TSC1: variants seen among roughly 807,000 people sequenced by gnomAD.
TSC1 encodes the protein hamartin.
In TSC1, 20 loss-of-function variants were observed where a neutral mutation model predicts 124.3. The ratio of observed to expected loss-of-function variants is 0.16; its 90% CI spans 0.11 to 0.23. The LOEUF is 0.23. Ranked by LOEUF, TSC1 falls within the 10% of genes least tolerant of loss-of-function variation. The probability of loss-of-function intolerance (pLI) is 1.00; values close to 1 mark genes in which losing one functional copy is unlikely to be tolerated. For synonymous variants in TSC1, 493 were observed against 539.1 expected (o/e 0.91, Z 1.19); for missense variants, 1,124 against 1,448.5 (o/e 0.78, Z 3.64).
rs764271835 is a variant in TSC1, at chr9:132,921,343, T to G, written c.737+20A>C. The G allele has an allele frequency of 6.2e-7, 1 of 1,613,454 alleles. No homozygotes were observed. The highest frequency in any genetic ancestry group is 2.2e-5 in the East Asian group (1 of 44,880). ...AATCTCTCGAAAGATTCTTTAAAATTTTGACACTAGTTTCTATACCTTCGA... is the reference window on the plus strand; with the variant it reads ...AATCTCTCGAAAGATTCTTTAAAATGTTGACACTAGTTTCTATACCTTCGA... On this transcript the variant is annotated intron_variant, in intron 8 of 22. Coordinates refer to ENST00000298552, the MANE Select transcript of TSC1 (RefSeq NM_000368.5). This position sits in a 1 kb window ranked among gnomAD's most constrained non-coding sequence, Gnocchi z 4.3.
chr9:132,920,548 G>A (rs1846490976), intron 8 of TSC1, among the ~76,000 whole-genome samples: 1 of 152,076 alleles, frequency 6.6e-6, no homozygotes, highest in Admixed American at 6.5e-5. Context: ...ACTGCTTTAA[G>A]CTGGCTGAGG....
rs1289954163 is a variant in TSC1 at position 132,896,610 on chromosome 9, G to A, written c.3120C>T (p.Ser1040=). 1.9e-6 allele frequency: 3 copies of A among 1,613,582 alleles called. No homozygotes were observed. The African/African-American group carries it at 4.0e-5, about 22-fold the overall frequency. Residue 1040 remains serine (S), a synonymous_variant, in exon 23 of 23, where the codon AGC becomes AGT. Transcript: ENST00000298552. The surrounding 1 kb of genome is among the most constrained non-coding windows in gnomAD (Gnocchi z 4.5). ...CTGGGGTAGAAAGCTCGCTGCTGCT[G>A]CTGCTGCTGCCTCCACCACCTCTGC... ...SGSRGGGGSS[S]SSSELSTPEK...
Position 132,894,264 on chromosome 9 carries a change from T to G in TSC1, c.*1971A>C, listed in dbSNP as rs1184111382. 2 of 231,674 alleles carry G rather than the reference T, an allele frequency of 8.6e-6. No homozygotes were observed. The highest frequency in any genetic ancestry group is 2.2e-5 in the African/African-American group (1 of 45,228). The allele number at this position is 231,674 out of a possible 1,614,324, so 14.4% of individuals were successfully genotyped here. ...ACTTGGGCCTCTTTTCCTTTCCAATTCAGGAAAAGGCTTTAAGTGCCTGGT... is the reference window on the plus strand; with the variant it reads ...ACTTGGGCCTCTTTTCCTTTCCAATGCAGGAAAAGGCTTTAAGTGCCTGGT... On this transcript the variant is annotated 3_prime_UTR_variant, in exon 23 of 23. Transcript: ENST00000298552.
intron 8 of TSC1, among the ~76,000 whole-genome samples, chr9:132,920,979 T>C (rs1004878005): frequency 6.6e-6 from 1 of 151,646 alleles, no homozygotes; most frequent in South Asian, 2.1e-4. Flanking sequence ...ATACTTAATA[T>C]AGGACTCCCT....
At chr9:132,933,128 C>T (rs1381018987) in intron 2 of TSC1, among the ~76,000 whole-genome samples, 1 of 152,182 alleles carries the variant, frequency 6.6e-6, no homozygotes, top group Non-Finnish European at 1.5e-5. Context: ...TGCAATGGCA[C>T]AATCTTGGCC....
chr9:132,903,465 G>A lies in TSC1; in HGVS notation c.2208+186C>T, dbSNP rs1341874456. ...CACACACAAAATCACTTGTCCCCAC[G>A]GTTTCTGAGAATTATGAGGGAATTC... On this transcript the variant is annotated intron_variant, in intron 17 of 22. Coordinates refer to ENST00000298552, the MANE Select transcript of TSC1 (RefSeq NM_000368.5). The surrounding 1 kb of genome is among the most constrained non-coding windows in gnomAD (Gnocchi z 5.9). Among the ~76,000 whole-genome samples, 2 of 152,092 alleles carry A rather than the reference G, an allele frequency of 1.3e-5. No individual in the cohort carries two copies. The highest frequency in any genetic ancestry group is 2.4e-5 in the African/African-American group (1 of 41,418).
chr9:132,937,861 C>T (rs1468034508), intron 1 of TSC1, among the ~76,000 whole-genome samples: 6 of 152,204 alleles, frequency 3.9e-5, no homozygotes, highest in African/African-American at 7.2e-5. Flanking sequence ...AATACAGGCA[C>T]GCACCACCAT....
rs2132163876 is a variant in TSC1 at position 132,921,999 on chromosome 9, G to C, written c.509-26C>G. The C allele has an allele frequency of 6.2e-7, 1 of 1,613,914 alleles. No homozygotes were observed. ...CTAGAAAAGGAACCCGTTGAGAAGAGCCTCTTAGTTGGAGACAGATTGAGG... is the reference window on the plus strand; with the variant it reads ...CTAGAAAAGGAACCCGTTGAGAAGACCCTCTTAGTTGGAGACAGATTGAGG... On this transcript the variant is annotated intron_variant, in intron 6 of 22. Coordinates refer to ENST00000298552, the MANE Select transcript of TSC1 (RefSeq NM_000368.5). This position sits in a 1 kb window ranked among gnomAD's most constrained non-coding sequence, Gnocchi z 4.3.
At position 132,913,812 on chromosome 9, in the gene TSC1, C is replaced by T. The variant is rs1291267331; in HGVS notation, c.738-1355G>A. On this transcript the variant is annotated intron_variant, in intron 8 of 22. Coordinates refer to ENST00000298552, the MANE Select transcript of TSC1 (RefSeq NM_000368.5). ...CTGCACTCCAGCCTGGGCGATAGAG[C>T]GAGACTCCGTCTCAAAAAAAAAAAA... is the stretch of plus-strand genomic sequence containing the variant. Among the ~76,000 whole-genome samples, 7 of 117,942 alleles carry T rather than the reference C, an allele frequency of 5.9e-5. No homozygotes were observed. In the East Asian group the frequency reaches 1.2e-3, roughly 21 times the overall value. 77.4% of individuals were successfully genotyped at this position (117,942 alleles called of 152,430 possible).
intron 2 of TSC1, chr9:132,934,383 A>T (rs1847353458): frequency 6.6e-6 from 1 of 152,222 alleles, no homozygotes; most frequent in African/African-American, 2.4e-5. Context: ...AATTCCTAAA[A>T]ACTACTATAG....
intron 19 of TSC1, 57 bp downstream of exon 19, chr9:132,901,532 G>A: frequency 8.9e-6 from 13 of 1,468,844 alleles, no homozygotes; most frequent in Non-Finnish European, 1.2e-5. Context: ...CTGTCTGAAG[G>A]AAGAATGTTA....
intron 1 of TSC1, among the ~76,000 whole-genome samples, chr9:132,938,195 T>G (rs1847561240): frequency 6.6e-6 from 1 of 152,242 alleles, no homozygotes; most frequent in South Asian, 2.1e-4. Flanking sequence ...TGTATTTCAA[T>G]CCTGTCCTAT....
At position 132,900,757 on chromosome 9, in the gene TSC1, G is replaced by C; in HGVS notation, c.2583C>G (p.Leu861=). 1 of 1,614,172 alleles carries C rather than the reference G, an allele frequency of 6.2e-7. No homozygotes were observed. The highest frequency in any genetic ancestry group is 8.5e-7 in the Non-Finnish European group (1 of 1,180,022). The change falls in exon 20 of 23, where the codon CTC becomes CTG. Residue 861 remains leucine (L), a synonymous_variant. Coordinates refer to ENST00000298552, the MANE Select transcript of TSC1 (RefSeq NM_000368.5). ...GCTTGTTCTGCAGTTGTTCCAAATA[G>C]AGCTCGTTGACCTCCCCAAGAACCA... ...QLLVLGEVNE[L]YLEQLQNKHS... is the part of the protein sequence containing the mutation.
In TSC1 at chr9:132,921,779, A is replaced by C. The variant is rs771260007; in HGVS notation, c.663+40T>G. 2 of 1,611,930 alleles carry C rather than the reference A, an allele frequency of 1.2e-6. No individual in the cohort carries two copies. The highest frequency in any genetic ancestry group is 1.7e-6 in the Non-Finnish European group (2 of 1,178,408). On this transcript the variant is annotated intron_variant, in intron 7 of 22. Transcript: ENST00000298552. The surrounding 1 kb of genome is among the most constrained non-coding windows in gnomAD (Gnocchi z 4.3). ...AGGTATAAATGCAGCCTATCTAAAC[A>C]GTATACTAAGTAGCAAACAAACAAG...
At chr9:132,926,048 T>G in intron 4 of TSC1, 1 of 405,214 alleles carries the variant, frequency 2.5e-6, no homozygotes, top group African/African-American at 2.0e-5. Context: ...GATAGGTTAC[T>G]GAAGCCATGA....
intron 1 of TSC1, among the ~76,000 whole-genome samples, chr9:132,938,492 A>G (rs1588381541): frequency 1.3e-5 from 2 of 152,286 alleles, no homozygotes; most frequent in African/African-American, 2.4e-5. Context: ...TTGAGGAAGA[A>G]GATAAGGGCT....
Position 132,906,734 on chromosome 9 carries a change from CTTCTTT to C in TSC1, c.1429_1434del (p.Lys477_Glu478del). The C allele has an allele frequency of 6.2e-7, 1 of 1,613,266 alleles. No individual in the cohort carries two copies. Among genetic ancestry groups the C allele is most frequent in the Non-Finnish European group, 8.5e-7 (1 of 1,179,460 alleles). ...ATAGCAATCCCACATACATTACCTT[CTTCTTT>C]ATCTTTTTCAATACTATCTTCTTCA... On this transcript the variant is annotated inframe_deletion, in exon 14 of 23. Coordinates refer to ENST00000298552, the MANE Select transcript of TSC1 (RefSeq NM_000368.5). This position sits in a 1 kb window ranked among gnomAD's most constrained non-coding sequence, Gnocchi z 4.1.
rs1057522667 is a variant in TSC1 at position 132,923,330 on chromosome 9, A to G, written c.508+18T>C. 1.2e-6 allele frequency: 2 copies of G among 1,613,882 alleles called. No homozygotes were observed. The highest frequency in any genetic ancestry group is 2.7e-5 in the African/African-American group (2 of 74,914). On this transcript the variant is annotated intron_variant, in intron 6 of 22. Coordinates refer to ENST00000298552, the MANE Select transcript of TSC1 (RefSeq NM_000368.5). The surrounding 1 kb of genome is among the most constrained non-coding windows in gnomAD (Gnocchi z 4.2). ...ATTCACCTCACAGGGCCCAACAGGT[A>G]TATGAGGAGATCTGTACCTGGTTTC... is the stretch of plus-strand genomic sequence containing the variant.
At chr9:132,922,054 C>CCAG (rs1383186453) in intron 6 of TSC1, 81 bp from the exon 7 acceptor site, 1 of 1,561,926 alleles carries the variant, frequency 6.4e-7, no homozygotes, top group African/African-American at 1.4e-5. Flanking sequence ...CAAGTGGCTG[C>CCAG]CAGCAGGACT....
Sources: gnomAD v4.1 joint callset for allele counts (sites outside exome capture counted in the v4.1 genomes callset) on GRCh38, gnomAD v4.1.1 for gene constraint, Gnocchi (gnomAD v3.1) non-coding constraint, MANE v1.5 for transcripts, NCBI Gene and HGNC (gene_info 2026-07-23, HGNC 2026-07-21) for gene names.